The following ARHGEF28 variants were observed in gnomAD, a reference collection of about 807,000 sequenced individuals.
ARHGEF28 encodes the protein 190 kDa guanine nucleotide exchange factor.
A neutral mutation model predicts 206.6 loss-of-function variants in ARHGEF28; 152 were observed. That is an observed-to-expected ratio of 0.74 (90% confidence interval 0.64 to 0.84). The LOEUF is 0.84. Ranked by LOEUF, ARHGEF28 falls within the 40% of genes least tolerant of loss-of-function variation. The pLI is 0.00. For missense variants in ARHGEF28, 2,028 were observed against 2,073.2 expected (o/e 0.98, Z 0.42); for synonymous variants, 763 against 776.4 (o/e 0.98, Z 0.29).
intron 29 of ARHGEF28, among the ~76,000 whole-genome samples, chr5:73,896,042 G>A (rs1266245902): frequency 1.3e-5 from 2 of 152,148 alleles, no homozygotes; most frequent in African/African-American, 4.8e-5. Flanking sequence ...TGCTAGGGAG[G>A]CAGTAATGCT....
chr5:73,938,584 C>A (rs1278275808), intron 35 of ARHGEF28, among the ~76,000 whole-genome samples: 1 of 152,112 alleles, frequency 6.6e-6, no homozygotes, highest in Non-Finnish European at 1.5e-5. Context: ...CTTTGGTGAC[C>A]TGTTCAGTCT....
At chr5:73,766,895 T>C (rs950636664) in intron 4 of ARHGEF28, among the ~76,000 whole-genome samples, 6 of 152,198 alleles carry the variant, frequency 3.9e-5, no homozygotes, top group Non-Finnish European at 7.3e-5. Flanking sequence ...TGATATGGTT[T>C]GGCTGTGTCC....
At chr5:73,843,974 T>G (rs1758144758) in intron 11 of ARHGEF28, among the ~76,000 whole-genome samples, 1 of 152,210 alleles carries the variant, frequency 6.6e-6, no homozygotes, top group African/African-American at 2.4e-5. Context: ...TCTGATATTT[T>G]CTATTCTATA....
intron 10 of ARHGEF28, 68 bp from the exon 11 acceptor site, chr5:73,840,412 T>G: frequency 6.6e-7 from 1 of 1,507,606 alleles, no homozygotes; most frequent in Non-Finnish European, 9.0e-7. Flanking sequence ...TGGGAAAATT[T>G]TATTAATTCT....
At chr5:73,732,690 GA>G (rs1179896030) in intron 2 of ARHGEF28, among the ~76,000 whole-genome samples, 8 of 152,124 alleles carry the variant, frequency 5.3e-5, no homozygotes, top group African/African-American at 1.9e-4. Context: ...TGAGAACAGG[GA>G]TTTGCTCGGT....
At chr5:73,818,527 T>TCATC in intron 9 of ARHGEF28, among the ~76,000 whole-genome samples, 1 of 152,244 alleles carries the variant, frequency 6.6e-6, no homozygotes, top group African/African-American at 2.4e-5. Context: ...GAAATCCTTA[T>TCATC]TAAGGAAGGG....
intron 2 of ARHGEF28, among the ~76,000 whole-genome samples, chr5:73,742,941 A>G (rs1751526317): frequency 6.6e-6 from 1 of 152,032 alleles, no homozygotes; most frequent in African/African-American, 2.4e-5. Flanking sequence ...TTCTACAGAT[A>G]TTTTAAACTC....
At chr5:73,709,478 G>T (rs1376620027) in intron 2 of ARHGEF28, among the ~76,000 whole-genome samples, 1 of 152,196 alleles carries the variant, frequency 6.6e-6, no homozygotes, top group East Asian at 1.9e-4. Context: ...CTGAACAAAG[G>T]GGGATGAATG....
chr5:73,761,720 C>G (rs1184016957), intron 4 of ARHGEF28, among the ~76,000 whole-genome samples: 1 of 152,106 alleles, frequency 6.6e-6, no homozygotes, highest in African/African-American at 2.4e-5. Flanking sequence ...GCAAGTTTGA[C>G]ATGAGAATGT....
At chr5:73,841,717 A>G (rs1561447960) in intron 11 of ARHGEF28, among the ~76,000 whole-genome samples, 1 of 151,434 alleles carries the variant, frequency 6.6e-6, no homozygotes, top group African/African-American at 2.4e-5. Flanking sequence ...AAGAAGAAAA[A>G]AAAAAAAAAA....
chr5:73,889,883 A>G (rs1412438319), intron 26 of ARHGEF28, among the ~76,000 whole-genome samples: 4 of 152,264 alleles, frequency 2.6e-5, no homozygotes, highest in Non-Finnish European at 4.4e-5. Context: ...ATATGGGCCC[A>G]GGATTGCTCA....
chr5:73,829,239 C>A (rs971794090), intron 9 of ARHGEF28, among the ~76,000 whole-genome samples: 8 of 152,190 alleles, frequency 5.3e-5, no homozygotes, highest in African/African-American at 1.9e-4. Flanking sequence ...TTCTTTCAAT[C>A]ATTCTGTTGA....
intron 1 of ARHGEF28, among the ~76,000 whole-genome samples, chr5:73,651,797 G>A (rs185583308): frequency 1.2e-4 from 18 of 152,000 alleles, no homozygotes; most frequent in South Asian, 2.1e-4. Context: ...CTTATAACTC[G>A]TGAAGTATAT....
intron 1 of ARHGEF28, among the ~76,000 whole-genome samples, chr5:73,646,388 C>T (rs933497812): frequency 7.2e-5 from 11 of 152,166 alleles, no homozygotes; most frequent in African/African-American, 2.7e-4. Flanking sequence ...TCCTCAGTAC[C>T]TCCCTATTCC....
chr5:73,877,379 G>C (rs911390477), intron 22 of ARHGEF28, among the ~76,000 whole-genome samples: 1 of 149,662 alleles, frequency 6.7e-6, no homozygotes, highest in African/African-American at 2.5e-5. Flanking sequence ...CCAGCTCCTG[G>C]ATTCATTAAT....
At chr5:73,895,323 G>A (rs1761900591) in intron 29 of ARHGEF28, among the ~76,000 whole-genome samples, 1 of 152,138 alleles carries the variant, frequency 6.6e-6, no homozygotes, top group Non-Finnish European at 1.5e-5. Flanking sequence ...GGTGGTGGAA[G>A]GACTAAGTTT....
intron 18 of ARHGEF28, among the ~76,000 whole-genome samples, chr5:73,866,682 A>G (rs980368521): frequency 6.6e-6 from 1 of 152,208 alleles, no homozygotes; most frequent in African/African-American, 2.4e-5. Context: ...GCTGAAATTT[A>G]AGCAGTTTCT....
intron 4 of ARHGEF28, among the ~76,000 whole-genome samples, chr5:73,754,128 G>A (rs1011922769): frequency 2.0e-5 from 3 of 152,082 alleles, no homozygotes; most frequent in Non-Finnish European, 2.9e-5. Context: ...ATTTTTGAGA[G>A]TTTCTGCTTC....
At chr5:73,851,421 G>A (rs893601860) in intron 13 of ARHGEF28, among the ~76,000 whole-genome samples, 1 of 129,270 alleles carries the variant, frequency 7.7e-6, no homozygotes, top group East Asian at 2.2e-4. Flanking sequence ...TTTTTTTTTT[G>A]AGCCAAGAGT....
Sources: allele counts gnomAD v4.1 joint callset (sites outside exome capture counted in the v4.1 genomes callset), GRCh38; gene constraint gnomAD v4.1.1; transcripts MANE v1.5; gene names NCBI Gene and HGNC (gene_info 2026-07-23, HGNC 2026-07-21).